Variants in MCCC1 observed in about 807,000 individuals in gnomAD.
The protein encoded by MCCC1 is methylcrotonyl-CoA carboxylase subunit 1.
Under a neutral mutation model 83.8 loss-of-function variants are expected in MCCC1, and 64 were observed. The observed-to-expected ratio is 0.76, with a 90% CI of 0.62 to 0.94. The LOEUF is 0.94. MCCC1 is among the 40% of genes least tolerant of loss of function. The probability of loss-of-function intolerance (pLI) is 0.00; values close to 1 mark genes in which losing one functional copy is unlikely to be tolerated. For synonymous variants in MCCC1, 322 were observed against 315.4 expected, an observed-to-expected ratio of 1.02 and a Z score of -0.22; for missense variants, 807 against 904.7, an observed-to-expected ratio of 0.89 and a Z score of 1.39.
intron 14 of MCCC1, chr3:183,029,001 T>C (rs1457640866): frequency 6.6e-6 from 1 of 152,208 alleles, no homozygotes; most frequent in East Asian, 1.9e-4. Flanking sequence ...ATATACATTG[T>C]TTTTATTTAG....
At chr3:183,071,141 A>G (rs201235081) in intron 6 of MCCC1, 21 bp from the exon 7 acceptor site, 1 of 1,614,232 alleles carries the variant, frequency 6.2e-7, no homozygotes, top group African/African-American at 1.3e-5. Context: ...AAAGATGATT[A>G]TGACTACAAC....
intron 2 of MCCC1, 121 bp downstream of exon 2, chr3:183,094,438 A>C: frequency 1.0e-6 from 1 of 1,001,220 alleles, no homozygotes; most frequent in Non-Finnish European, 1.5e-6. Flanking sequence ...AATTATCGTG[A>C]AAATCCAAAA....
At chr3:183,094,451 T>A (rs1276626461) in intron 2 of MCCC1, 108 bp downstream of exon 2, 1 of 1,098,814 alleles carries the variant, frequency 9.1e-7, no homozygotes, top group Non-Finnish European at 1.4e-6. Context: ...ATCCAAAATT[T>A]ATGATAACTA....
At chr3:183,075,812 T>A (rs575096529) in intron 4 of MCCC1, among the ~76,000 whole-genome samples, 1 of 152,252 alleles carries the variant, frequency 6.6e-6, no homozygotes, top group Admixed American at 6.5e-5. Flanking sequence ...AGTGTTGGAA[T>A]TACAGACGTG....
intron 1 of MCCC1, among the ~76,000 whole-genome samples, chr3:183,111,784 G>A (rs945180682): frequency 2.6e-5 from 4 of 152,072 alleles, no homozygotes; most frequent in Admixed American, 1.3e-4. Context: ...GTGATCAGAC[G>A]GACAGAAATT....
chr3:183,108,274 AT>A (rs1311041847), intron 1 of MCCC1, among the ~76,000 whole-genome samples: 1 of 152,132 alleles, frequency 6.6e-6, no homozygotes. Flanking sequence ...TTCATCTGGT[AT>A]TTCCTCATGA....
At chr3:183,085,630 TAAAAAAAA>T (rs57408690) in intron 4 of MCCC1, among the ~76,000 whole-genome samples, 2 of 103,268 alleles carry the variant, frequency 1.9e-5, no homozygotes, top group African/African-American at 3.7e-5. Flanking sequence ...ACCCTGTCTT[TAAAAAAAA>T]AAAAAAAAAA....
At position 183,071,302 on chromosome 3, in the gene MCCC1, C is replaced by T. The variant is rs755223440; in HGVS notation, c.547G>A (p.Gly183Ser). 1 of 1,614,198 alleles carries T rather than the reference C, an allele frequency of 6.2e-7. No homozygotes were observed. Among genetic ancestry groups the T allele is most frequent in the South Asian group, 1.1e-5 (1 of 91,090 alleles). Residue 183 changes from glycine to serine, a missense_variant, in exon 6 of 19, where the codon GGT (glycine) becomes AGT (serine). Gly to Ser is a moderately conservative substitution (Grantham distance 56). Transcript: ENST00000265594. Reference protein sequence around the residue: ...AGVPVVEGYHGEDQSDQCLKE... With the variant: ...AGVPVVEGYHSEDQSDQCLKE... ...AGGCACTGGTCTGATTGGTCCTCACCATGATAACCCTCCACAACAGGTACT... is the reference window on the plus strand; with the variant it reads ...AGGCACTGGTCTGATTGGTCCTCACTATGATAACCCTCCACAACAGGTACT...
chr3:183,108,755 G>A (rs1479649789), intron 1 of MCCC1, among the ~76,000 whole-genome samples: 1 of 152,024 alleles, frequency 6.6e-6, no homozygotes, highest in Non-Finnish European at 1.5e-5. Context: ...CAATTTCTGG[G>A]GCAAGGGCAG....
chr3:183,035,690 T>C (rs766410171), intron 13 of MCCC1, among the ~76,000 whole-genome samples: 35 of 152,092 alleles, frequency 2.3e-4, no homozygotes, highest in Non-Finnish European at 4.3e-4. Flanking sequence ...TCAAACTGTA[T>C]AGGGTAATAT....
chr3:183,100,172 C>G (rs1719072041), upstream of MCCC1, among the ~76,000 whole-genome samples: 1 of 152,090 alleles, frequency 6.6e-6, no homozygotes. Context: ...GAGAAAAATG[C>G]ACATTTGACA....
chr3:183,082,641 A>G (rs1007966363), intron 4 of MCCC1, among the ~76,000 whole-genome samples: 1 of 152,086 alleles, frequency 6.6e-6, no homozygotes, highest in Non-Finnish European at 1.5e-5. Context: ...GTTAACTACA[A>G]CCTCTTTCCC....
intron 4 of MCCC1, among the ~76,000 whole-genome samples, chr3:183,085,274 C>T (rs1409496841): frequency 1.3e-5 from 2 of 151,960 alleles, no homozygotes; most frequent in Admixed American, 6.6e-5. Context: ...GAAGCCACAG[C>T]GATTTTATTA....
At chr3:183,090,190 GA>G (rs1718215135) in intron 3 of MCCC1, among the ~76,000 whole-genome samples, 1 of 152,132 alleles carries the variant, frequency 6.6e-6, no homozygotes, top group African/African-American at 2.4e-5. Context: ...AAGAGGCTGA[GA>G]ATGCCATGAG....
At chr3:183,068,961 T>C (rs1178549217) in intron 7 of MCCC1, among the ~76,000 whole-genome samples, 1 of 152,158 alleles carries the variant, frequency 6.6e-6, no homozygotes, top group Non-Finnish European at 1.5e-5. Context: ...AACAATGAAA[T>C]TGCCTAACAA....
chr3:183,087,147 A>T (rs932751043), intron 3 of MCCC1, among the ~76,000 whole-genome samples: 1 of 152,250 alleles, frequency 6.6e-6, no homozygotes, highest in African/African-American at 2.4e-5. Context: ...GATAATAGAA[A>T]CAAAATATGT....
At chr3:183,103,220 T>A (rs1483794593), upstream of MCCC1, among the ~76,000 whole-genome samples, 1 of 151,596 alleles carries the variant, frequency 6.6e-6, no homozygotes, top group East Asian at 1.9e-4. Flanking sequence ...ACCCAAAGAG[T>A]GAGCAGCCGC....
At position 183,060,148 on chromosome 3, in the gene MCCC1, TTC is replaced by T. The variant is rs1328981802; in HGVS notation, c.762-2728_762-2727del. 1.1e-4 allele frequency among the ~76,000 whole-genome samples: 16 copies of T among 152,378 alleles called. No individual in the cohort carries two copies. The South Asian group carries it at 2.9e-3, about 28-fold the overall frequency. On this transcript the variant is annotated intron_variant, in intron 7 of 18. Transcript: ENST00000265594. ...TGTCCCACAGTTCTTGGATATTCTGTTCTCTCTTTTTTCTTTCATTTTTATTT... is the reference window on the plus strand; with the variant it reads ...TGTCCCACAGTTCTTGGATATTCTGTTCTCTTTTTTCTTTCATTTTTATTT...
intron 1 of MCCC1, among the ~76,000 whole-genome samples, chr3:183,110,282 C>T (rs1719471605): frequency 6.6e-6 from 1 of 152,060 alleles, no homozygotes; most frequent in African/African-American, 2.4e-5. Context: ...GGTTTTGTTG[C>T]CATTGCTTTT....
Sources: gnomAD v4.1 joint callset for allele counts (sites outside exome capture counted in the v4.1 genomes callset) on GRCh38, gnomAD v4.1.1 for gene constraint, MANE v1.5 for transcripts, NCBI Gene and HGNC (gene_info 2026-07-23, HGNC 2026-07-21) for gene names.